Variants in CNGB3 observed in about 807,000 individuals in gnomAD.
CNGB3 encodes cyclic nucleotide-gated channel beta-3.
Under a neutral mutation model 92.8 loss-of-function variants are expected in CNGB3, and 86 were observed. That is an observed-to-expected ratio of 0.93 (90% confidence interval 0.78 to 1.11). CNGB3 has a LOEUF of 1.11. CNGB3 is among the 50% of genes least tolerant of loss of function. CNGB3 has a pLI of 0.00. For synonymous variants in CNGB3, 333 were observed against 332.7 expected (o/e 1.00, Z -0.01); for missense variants, 1,026 against 956.8 (o/e 1.07, Z -0.95).
At chr8:86,695,044 C>T (rs1016938857) in intron 3 of CNGB3, among the ~76,000 whole-genome samples, 6 of 152,212 alleles carry the variant, frequency 3.9e-5, no homozygotes, top group East Asian at 1.9e-4. Context: ...TCTGCAATCC[C>T]GGCACCTCGG....
At chr8:86,652,843 C>T (rs181651224) in intron 7 of CNGB3, among the ~76,000 whole-genome samples, 15 of 151,746 alleles carry the variant, frequency 9.9e-5, no homozygotes, top group Non-Finnish European at 8.8e-5. Flanking sequence ...GAGTACATTC[C>T]GAAATAACAA....
chr8:86,693,030 T>C (rs1240097576), intron 3 of CNGB3, among the ~76,000 whole-genome samples: 1 of 152,182 alleles, frequency 6.6e-6, no homozygotes, highest in African/African-American at 2.4e-5. Flanking sequence ...GATTATTGTT[T>C]TGTTTAAGGA....
chr8:86,694,427 G>C (rs1225252322), intron 3 of CNGB3, among the ~76,000 whole-genome samples: 1 of 151,790 alleles, frequency 6.6e-6, no homozygotes, highest in Non-Finnish European at 1.5e-5. Flanking sequence ...CCCGGACGGG[G>C]TGGCTGCCGG....
chr8:86,597,990 TAAAA>T (rs1822209025), intron 15 of CNGB3, among the ~76,000 whole-genome samples: 1 of 149,902 alleles, frequency 6.7e-6, no homozygotes, highest in Admixed American at 6.6e-5. Flanking sequence ...ATAAATAAAA[TAAAA>T]TAAAATAAAA....
chr8:86,656,929 G>A (rs114237048), intron 6 of CNGB3, among the ~76,000 whole-genome samples: 1,585 of 152,222 alleles, frequency 0.01, 28 homozygotes, highest in African/African-American at 0.036. Flanking sequence ...GATACAGGGG[G>A]TGGCCCTACC....
At chr8:86,737,490 T>C (rs368095316) in intron 2 of CNGB3, among the ~76,000 whole-genome samples, 32 of 152,280 alleles carry the variant, frequency 2.1e-4, no homozygotes, top group Middle Eastern at 6.8e-3. Context: ...AGAGCGGTCC[T>C]TTTTTTAAAT....
chr8:86,693,419 TTTTATTATTATTA>T (rs1824356865), intron 3 of CNGB3, among the ~76,000 whole-genome samples: 1 of 131,690 alleles, frequency 7.6e-6, no homozygotes, highest in East Asian at 2.1e-4. Flanking sequence ...GTTCATTTTT[TTTTATTATTATTA>T]TTATTTATTT....
chr8:86,622,596 C>T (rs906319268), intron 13 of CNGB3, among the ~76,000 whole-genome samples: 1 of 152,104 alleles, frequency 6.6e-6, no homozygotes, highest in African/African-American at 2.4e-5. Context: ...ATCTGACTTC[C>T]ACCATTACAG....
chr8:86,657,934 G>A (rs1823546767), intron 6 of CNGB3: 7 of 551,442 alleles, frequency 1.3e-5, no homozygotes, highest in South Asian at 4.2e-5. Context: ...CCCCTGCCAT[G>A]CCCTGGCCTC....
intron 2 of CNGB3, among the ~76,000 whole-genome samples, chr8:86,728,310 G>A (rs1373290552): frequency 1.3e-5 from 2 of 152,152 alleles, no homozygotes; most frequent in African/African-American, 2.4e-5. Flanking sequence ...ACAGGCACAT[G>A]TGGTACACTA....
intron 3 of CNGB3, among the ~76,000 whole-genome samples, chr8:86,722,231 A>C (rs982702489): frequency 2.0e-5 from 3 of 152,160 alleles, no homozygotes; most frequent in Non-Finnish European, 4.4e-5. Context: ...TTCCAGGCAA[A>C]ACACATCTTC....
intron 3 of CNGB3, among the ~76,000 whole-genome samples, chr8:86,699,498 A>G (rs886728412): frequency 6.6e-6 from 1 of 152,116 alleles, no homozygotes; most frequent in African/African-American, 2.4e-5. Flanking sequence ...TAATACATAA[A>G]AAAGACTACT....
At chr8:86,657,532 A>G in intron 6 of CNGB3, 1 of 490,204 alleles carries the variant, frequency 2.0e-6, no homozygotes, top group Non-Finnish European at 4.2e-6. Flanking sequence ...CATGGGGAGA[A>G]CCCTCCCTGG....
chr8:86,723,194 T>C (rs773450587), intron 3 of CNGB3, among the ~76,000 whole-genome samples: 5 of 152,138 alleles, frequency 3.3e-5, no homozygotes, highest in Non-Finnish European at 5.9e-5. Context: ...CCAGTACCTA[T>C]TGATCAGTCC....
chr8:86,713,525 C>T (rs897535134), intron 3 of CNGB3, among the ~76,000 whole-genome samples: 1 of 152,150 alleles, frequency 6.6e-6, no homozygotes, highest in African/African-American at 2.4e-5. Context: ...TTCAAATATA[C>T]TGTATCCTAA....
At chr8:86,735,058 T>G (rs1347675469) in intron 2 of CNGB3, among the ~76,000 whole-genome samples, 2 of 146,108 alleles carry the variant, frequency 1.4e-5, no homozygotes, top group African/African-American at 2.5e-5. Flanking sequence ...TTTTTTTTTT[T>G]TTTTTTTTTT....
rs139326829 is a variant in CNGB3, at chr8:86,586,205, T to C, written c.1782-6953A>G. 3.9e-3 allele frequency among the ~76,000 whole-genome samples: 597 copies of C among 152,280 alleles called. 6 individuals carry two copies. Among genetic ancestry groups the C allele is most frequent in the African/African-American group, 0.014 (579 of 41,546 alleles). ...CTGCCAACTTCTGGGGCTATAAAGATGATTAACACCTGCCCTCAAGCTGTT... is the reference window on the plus strand; with the variant it reads ...CTGCCAACTTCTGGGGCTATAAAGACGATTAACACCTGCCCTCAAGCTGTT... On this transcript the variant is annotated intron_variant, in intron 15 of 17. Transcript: ENST00000320005.
At position 86,640,301 on chromosome 8, in the gene CNGB3, A is replaced by G. The variant is rs1307182895; in HGVS notation, c.1178+3450T>C. On this transcript the variant is annotated intron_variant, in intron 10 of 17. Transcript: ENST00000320005. ...TAGTAAATAAAATTTATAGGAGGCC[A>G]TTGGTTTGGACTAAACTCTTGCACT... Among the ~76,000 whole-genome samples the G allele has an allele frequency of 3.3e-5, 5 of 152,210 alleles. No homozygotes were observed. The South Asian group carries it at 6.2e-4, about 19-fold the overall frequency.
intron 3 of CNGB3, among the ~76,000 whole-genome samples, chr8:86,704,862 T>G (rs1241917703): frequency 6.6e-6 from 1 of 152,222 alleles, no homozygotes; most frequent in African/African-American, 2.4e-5. Context: ...ACTAATGACT[T>G]TTAAAATACC....
Sources: allele counts gnomAD v4.1 joint callset (sites outside exome capture counted in the v4.1 genomes callset), GRCh38; gene constraint gnomAD v4.1.1; transcripts MANE v1.5; gene names NCBI Gene and HGNC (gene_info 2026-07-23, HGNC 2026-07-21).